Variants in COP1 observed in about 807,000 individuals in gnomAD.
The protein encoded by COP1 is COP1 E3 ubiquitin ligase, also known as E3 ubiquitin-protein ligase COP1.
In COP1, 24 loss-of-function variants were observed where a neutral mutation model predicts 101.3. The observed-to-expected ratio is 0.24, with a 90% confidence interval of 0.17 to 0.33. COP1 has a LOEUF of 0.33. Ranked by LOEUF, COP1 falls within the 10% of genes least tolerant of loss-of-function variation. The pLI, the probability that COP1 is intolerant of heterozygous loss-of-function variation, is 1.00. For synonymous variants in COP1, 347 were observed against 341.9 expected (o/e 1.01, Z -0.17); for missense variants, 663 against 906.2 (o/e 0.73, Z 3.45).
rs116693477 is a variant in COP1 at position 175,979,771 on chromosome 1, T to A, written c.2133+7172A>T. ...GCTTTTCTTAAATGGTAATTGATTA[T>A]TACCATTTAGTTTCAAGTGAGCCTA... On this transcript the variant is annotated intron_variant, in intron 18 of 19. Coordinates refer to ENST00000367669, the MANE Select transcript of COP1 (RefSeq NM_022457.7). Among the ~76,000 whole-genome samples, 128 of 152,240 alleles carry A rather than the reference T, an allele frequency of 8.4e-4. 1 individual carries two copies. The Middle Eastern group carries it at 0.01, about 12-fold the overall frequency.
intron 11 of COP1, among the ~76,000 whole-genome samples, chr1:176,073,853 C>A (rs1430844653): frequency 6.6e-6 from 1 of 152,206 alleles, no homozygotes; most frequent in Non-Finnish European, 1.5e-5. Context: ...TTATGTCATG[C>A]AATTTTACAG....
intron 2 of COP1, among the ~76,000 whole-genome samples, chr1:176,181,004 G>A (rs1697665439): frequency 6.6e-6 from 1 of 152,156 alleles, no homozygotes; most frequent in African/African-American, 2.4e-5. Flanking sequence ...ACGGTACAGG[G>A]CACAAGCTGG....
At chr1:176,103,084 C>G (rs1683683670) in intron 9 of COP1, among the ~76,000 whole-genome samples, 1 of 152,202 alleles carries the variant, frequency 6.6e-6, no homozygotes, top group South Asian at 2.1e-4. Context: ...ATTCCAGTGT[C>G]TTGATAAATC....
At chr1:176,116,341 C>T (rs1426421455) in intron 9 of COP1, among the ~76,000 whole-genome samples, 2 of 152,148 alleles carry the variant, frequency 1.3e-5, no homozygotes, top group African/African-American at 4.8e-5. Context: ...GCCTGCGTGA[C>T]AGAGTGTCTC....
At chr1:176,127,783 T>C (rs1016929221) in intron 8 of COP1, among the ~76,000 whole-genome samples, 2 of 152,194 alleles carry the variant, frequency 1.3e-5, no homozygotes, top group East Asian at 1.9e-4. Flanking sequence ...CAGGATCGTA[T>C]GGTAGTTCTA....
chr1:176,058,064 G>A (rs78275727), intron 11 of COP1, among the ~76,000 whole-genome samples: 103,110 of 142,502 alleles, frequency 0.72, 37,756 homozygotes, highest in East Asian at 0.98. Flanking sequence ...CCCGGCAGCC[G>A]CCCCGGCCGG....
At chr1:175,987,160 T>C in intron 17 of COP1, 57 bp from the exon 18 acceptor site, 1 of 949,232 alleles carries the variant, frequency 1.1e-6, no homozygotes. Flanking sequence ...AATTAGGACA[T>C]CACAGTCTAA....
chr1:176,011,298 A>G (rs1274095169), intron 15 of COP1, among the ~76,000 whole-genome samples: 1 of 152,238 alleles, frequency 6.6e-6, no homozygotes, highest in African/African-American at 2.4e-5. Context: ...AGCCAAATGT[A>G]GCTAGAACTA....
intron 14 of COP1, among the ~76,000 whole-genome samples, chr1:176,028,487 TC>T (rs1668068466): frequency 1.4e-5 from 2 of 143,894 alleles, no homozygotes; most frequent in Admixed American, 7.1e-5. Flanking sequence ...ATCACTTGAG[TC>T]CAGGAGGCAG....
At chr1:176,176,070 C>G in intron 2 of COP1, 63 bp from the exon 3 acceptor site, 2 of 778,530 alleles carry the variant, frequency 2.6e-6, no homozygotes, top group Admixed American at 4.2e-5. Flanking sequence ...AAACTGGTCA[C>G]AAAATAATGA....
chr1:176,193,793 GA>G (rs1338744498), intron 1 of COP1, among the ~76,000 whole-genome samples: 1 of 152,126 alleles, frequency 6.6e-6, no homozygotes, highest in Admixed American at 6.5e-5. Context: ...GATTGTAAGG[GA>G]AGAGGAAAAG....
intron 15 of COP1, among the ~76,000 whole-genome samples, chr1:175,991,856 A>T (rs1029595817): frequency 1.3e-5 from 2 of 152,214 alleles, no homozygotes; most frequent in African/African-American, 4.8e-5. Context: ...GGGTAATGAT[A>T]TGCATAGAGA....
chr1:176,088,334 G>T (rs1572157664), intron 9 of COP1, among the ~76,000 whole-genome samples: 1 of 152,160 alleles, frequency 6.6e-6, no homozygotes, highest in East Asian at 1.9e-4. Context: ...TACACAAAAG[G>T]TAATGTTATT....
intron 14 of COP1, among the ~76,000 whole-genome samples, chr1:176,033,613 T>C (rs1668997666): frequency 6.6e-6 from 1 of 152,108 alleles, no homozygotes; most frequent in Admixed American, 6.5e-5. Flanking sequence ...AAAAGGAAAA[T>C]ATATTTCTCC....
intron 9 of COP1, among the ~76,000 whole-genome samples, chr1:176,103,642 A>G (rs575926565): frequency 9.2e-5 from 14 of 152,346 alleles, no homozygotes; most frequent in African/African-American, 3.4e-4. Context: ...TTGGAACATT[A>G]CAAATTCTGG....
At chr1:176,146,526 GCAGCCAGCTGC>G (rs1691608826) in intron 6 of COP1, among the ~76,000 whole-genome samples, 1 of 152,154 alleles carries the variant, frequency 6.6e-6, no homozygotes, top group South Asian at 2.1e-4. Flanking sequence ...CTTTTGAGAG[GCAGCCAGCTGC>G]CATGTAGTGA....
At chr1:176,167,020 T>C (rs1312455691) in intron 3 of COP1, among the ~76,000 whole-genome samples, 1 of 152,226 alleles carries the variant, frequency 6.6e-6, no homozygotes, top group Non-Finnish European at 1.5e-5. Flanking sequence ...TTTTATTTAG[T>C]ACACTCAGCT....
At chr1:176,149,261 AAACT>A (rs949343913) in intron 5 of COP1, among the ~76,000 whole-genome samples, 187 bp from the exon 6 acceptor site, 4 of 152,082 alleles carry the variant, frequency 2.6e-5, no homozygotes, top group Non-Finnish European at 5.9e-5. Flanking sequence ...ATTTTCTATA[AAACT>A]AACTAAAACT....
At chr1:176,071,749 G>C (rs931440046) in intron 11 of COP1, among the ~76,000 whole-genome samples, 7 of 152,192 alleles carry the variant, frequency 4.6e-5, no homozygotes, top group East Asian at 3.9e-4. Context: ...GCTTCTAGAC[G>C]TAAGTTCTAC....
Sources: allele counts gnomAD v4.1 joint callset (sites outside exome capture counted in the v4.1 genomes callset), GRCh38; gene constraint gnomAD v4.1.1; transcripts MANE v1.5; gene names NCBI Gene and HGNC (gene_info 2026-07-23, HGNC 2026-07-21).